Variants in BBOF1 observed in about 807,000 individuals in gnomAD.
BBOF1 encodes the protein basal body orientation factor 1.
In BBOF1, 62 loss-of-function variants were observed where a neutral mutation model predicts 68.0. The ratio of observed to expected loss-of-function variants is 0.91; its 90% confidence interval spans 0.74 to 1.13. BBOF1 has a LOEUF of 1.13. BBOF1 is among the 50% of genes most tolerant of loss of function. BBOF1 has a pLI of 0.00. For missense variants in BBOF1, 534 were observed against 600.1 expected (o/e 0.89, Z 1.15); for synonymous variants, 208 against 198.8 (o/e 1.05, Z -0.39).
chr14:74,074,962 G>A (rs759168077), intron 9 of BBOF1: 1 of 1,614,020 alleles, frequency 6.2e-7, no homozygotes, highest in South Asian at 1.1e-5. Flanking sequence ...CACCACTGAA[G>A]AAGAGAAGGA....
In BBOF1 at chr14:74,071,165, TTAAG is replaced by T. The variant is rs779036417; in HGVS notation, n.1380-7028_1380-7025del. The T allele has an allele frequency of 5.0e-6, 8 of 1,596,088 alleles. No homozygotes were observed. The South Asian group carries it at 6.6e-5, about 13-fold the overall frequency. On this transcript the variant is annotated intron_variant and non_coding_transcript_variant, in intron 9 of 12. Coordinates refer to the BBOF1 transcript ENST00000492026. ...ACACCTTGATTTTTTGGTAGCCAGA[TTAAG>T]TAGCCATATGCATAAGGGCAGTTAC...
chr14:74,041,743 G>A (rs2059828510), intron 5 of BBOF1, among the ~76,000 whole-genome samples: 1 of 152,016 alleles, frequency 6.6e-6, no homozygotes, highest in South Asian at 2.1e-4. Flanking sequence ...TTGTAGAAAT[G>A]GGGTCTTGCT....
chr14:74,055,531 C>A (rs2060176123), intron 8 of BBOF1, 53 bp from the exon 9 acceptor site: 9 of 1,110,004 alleles, frequency 8.1e-6, no homozygotes, highest in South Asian at 1.3e-5. Context: ...AGAAGAGAAG[C>A]CTATTTGACC....
chr14:74,070,535 A>G (rs2060535372), downstream of BBOF1, among the ~76,000 whole-genome samples: 2 of 152,060 alleles, frequency 1.3e-5, no homozygotes, highest in Admixed American at 6.6e-5. Context: ...AAGAATAACA[A>G]TATTTCCTCA....
intron 9 of BBOF1, chr14:74,075,166 A>G (rs187757608): frequency 2.9e-6 from 2 of 699,352 alleles, no homozygotes; most frequent in Admixed American, 2.3e-5. Context: ...AAAGATATGA[A>G]TCTATGACAC....
chr14:74,042,170 T>A (rs1289188738), intron 5 of BBOF1, among the ~76,000 whole-genome samples: 1 of 152,218 alleles, frequency 6.6e-6, no homozygotes, highest in Non-Finnish European at 1.5e-5. Flanking sequence ...CTACCATGCC[T>A]TGCTCCTATG....
rs1441761029 is a variant in BBOF1 at position 74,056,972 on chromosome 14, G to A, written c.1455G>A (p.Lys485=). The change falls in exon 10 of 12, where the codon AAG becomes AAA. Residue 485 remains lysine (K), a synonymous_variant. Transcript: ENST00000394009. The part of the protein sequence containing the change: ...DYVVSDSGET[K]EFGDESKLQD... ...TTGTTTCTGACAGTGGGGAAACAAA[G>A]GAATTTGGGTAAGAGCTCTCTTGCT... 3 of 1,613,464 alleles carry A rather than the reference G, an allele frequency of 1.9e-6. No homozygotes were observed. Among genetic ancestry groups the A allele is most frequent in the Non-Finnish European group, 2.5e-6 (3 of 1,179,636 alleles).
At chr14:74,068,184 A>C (rs1272646956), downstream of BBOF1, among the ~76,000 whole-genome samples, 3 of 151,692 alleles carry the variant, frequency 2.0e-5, no homozygotes, top group African/African-American at 7.3e-5. Flanking sequence ...CAGGAGTTCA[A>C]GACCAGCTTG....
intron 4 of BBOF1, among the ~76,000 whole-genome samples, chr14:74,036,159 G>A (rs533957016): frequency 4.6e-5 from 7 of 152,054 alleles, no homozygotes; most frequent in East Asian, 3.9e-4. Context: ...GGGTTCAAGC[G>A]ATTTTGGTGC....
Position 74,040,545 on chromosome 14 carries a change from G to T in BBOF1, c.496-20G>T. 2 of 1,491,764 alleles carry T rather than the reference G, an allele frequency of 1.3e-6. No individual in the cohort carries two copies. Among genetic ancestry groups the T allele is most frequent in the Non-Finnish European group, 1.8e-6 (2 of 1,104,252 alleles). 92.4% of individuals were successfully genotyped at this position (1,491,764 alleles called of 1,614,324 possible). On this transcript the variant is annotated intron_variant, in intron 4 of 11. Transcript: ENST00000394009. ...CATTTTCTATTGATCATTTTTGTTTGTTTGTTATTTTAATTTTAGCTGAAA... is the reference window on the plus strand; with the variant it reads ...CATTTTCTATTGATCATTTTTGTTTTTTTGTTATTTTAATTTTAGCTGAAA...
intron 2 of BBOF1, among the ~76,000 whole-genome samples, chr14:74,025,775 A>T (rs922197832): frequency 6.6e-6 from 1 of 152,182 alleles, no homozygotes; most frequent in African/African-American, 2.4e-5. Context: ...TTCCCTTCTA[A>T]AACAAACCAG....
intron 1 of BBOF1, 23 bp downstream of exon 1, chr14:74,019,557 TC>T: frequency 6.3e-7 from 1 of 1,575,852 alleles, no homozygotes; most frequent in Non-Finnish European, 8.6e-7. Context: ...CACCCGAGAG[TC>T]CCCTCTCCCT....
At chr14:74,072,364 C>A in intron 9 of BBOF1, 1 of 1,614,132 alleles carries the variant, frequency 6.2e-7, no homozygotes, top group Non-Finnish European at 8.5e-7. Context: ...TCATTGGTGG[C>A]CTGATGAGAA....
intron 10 of BBOF1, among the ~76,000 whole-genome samples, chr14:74,080,362 CTCTT>C (rs1237246877): frequency 1.5e-5 from 2 of 134,474 alleles, no homozygotes; most frequent in African/African-American, 6.1e-5. Context: ...TAATGTTAAA[CTCTT>C]TCTTTTTTTT....
intron 3 of BBOF1, among the ~76,000 whole-genome samples, chr14:74,029,687 A>C (rs2140979219): frequency 6.6e-6 from 1 of 152,052 alleles, no homozygotes; most frequent in Non-Finnish European, 1.5e-5. Context: ...CATCTCAAAA[A>C]AAAAAAAAAA....
chr14:74,040,475 G>A (rs2059806228), intron 4 of BBOF1, 90 bp from the exon 5 acceptor site: 1 of 790,572 alleles, frequency 1.3e-6, no homozygotes, highest in East Asian at 2.7e-5. Flanking sequence ...ATAACAGAAA[G>A]CATTTCCTTA....
intron 5 of BBOF1, among the ~76,000 whole-genome samples, chr14:74,041,177 C>T (rs947213978): frequency 3.3e-5 from 5 of 152,222 alleles, no homozygotes; most frequent in Admixed American, 2.6e-4. Flanking sequence ...GTGGCACATG[C>T]CTGTAGTCCC....
chr14:74,031,886 A>G (rs1200222311), intron 3 of BBOF1: 1 of 152,096 alleles, frequency 6.6e-6, no homozygotes, highest in African/African-American at 2.4e-5. Flanking sequence ...TTCTATTACA[A>G]TGAATGTGCC....
At position 74,072,087 on chromosome 14, in the gene BBOF1, T is replaced by C. The variant is rs1033134482; in HGVS notation, n.1380-6109T>C. 5.7e-6 allele frequency: 9 copies of C among 1,571,356 alleles called. No individual in the cohort carries two copies. In the African/African-American group the frequency reaches 9.5e-5, roughly 17 times the overall value. The stretch of plus-strand genomic sequence containing the variant: ...AGATGCAGTACAAGGGAGAGAGTCA[T>C]GATCAACGTCTCTGCATACTGCAGA... On this transcript the variant is annotated intron_variant and non_coding_transcript_variant, in intron 9 of 12. Transcript: ENST00000492026.
Sources: gnomAD v4.1 joint callset for allele counts (sites outside exome capture counted in the v4.1 genomes callset) on GRCh38, gnomAD v4.1.1 for gene constraint, MANE v1.5 for transcripts, NCBI Gene and HGNC (gene_info 2026-07-23, HGNC 2026-07-21) for gene names.